The following SECISBP2 variants were observed in gnomAD, a reference collection of about 807,000 sequenced individuals.
The protein encoded by SECISBP2 is SECIS binding protein 2.
A neutral mutation model predicts 98.2 loss-of-function variants in SECISBP2; 96 were observed. The observed-to-expected ratio is 0.98, with a 90% confidence interval of 0.83 to 1.16. The LOEUF is 1.16. SECISBP2 is among the 50% of genes most tolerant of loss of function. The pLI is 0.00. For missense variants in SECISBP2, 1,046 were observed against 1,022.9 expected, an observed-to-expected ratio of 1.02 and a Z score of -0.31; for synonymous variants, 407 against 370.2, an observed-to-expected ratio of 1.10 and a Z score of -1.14.
intron 4 of SECISBP2, among the ~76,000 whole-genome samples, chr9:89,327,342 A>C (rs953556323): frequency 6.6e-6 from 1 of 152,200 alleles, no homozygotes; most frequent in African/African-American, 2.4e-5. Context: ...CTTAGGCTAC[A>C]TGAAATTTAT....
At chr9:89,366,926 G>A in the SECISBP2 span, among the ~76,000 whole-genome samples, 1 of 152,092 alleles carries the variant, frequency 6.6e-6, no homozygotes. Context: ...AAGAATCTGG[G>A]TGGCCTAAGC....
intron 4 of SECISBP2, among the ~76,000 whole-genome samples, chr9:89,327,319 TA>T (rs967047508): frequency 6.6e-6 from 1 of 152,242 alleles, no homozygotes; most frequent in Non-Finnish European, 1.5e-5. Context: ...GGAGACGTTC[TA>T]AACATTGTAC....
intron 5 of SECISBP2, among the ~76,000 whole-genome samples, chr9:89,331,414 C>T (rs1046534065): frequency 6.6e-6 from 1 of 151,946 alleles, no homozygotes; most frequent in African/African-American, 2.4e-5. Context: ...TTTTTTATTC[C>T]TGGACTCATG....
At chr9:89,334,817 G>C (rs1036404510) in intron 7 of SECISBP2, 87 bp downstream of exon 7, 7 of 999,582 alleles carry the variant, frequency 7.0e-6, no homozygotes, top group Non-Finnish European at 1.1e-5. Context: ...TTAATGGGTA[G>C]AGAGTTTCAG....
chr9:89,346,409 C>T (rs1407677536), intron 10 of SECISBP2, among the ~76,000 whole-genome samples: 1 of 152,044 alleles, frequency 6.6e-6, no homozygotes, highest in Non-Finnish European at 1.5e-5. Flanking sequence ...TTATAGTGGC[C>T]TTATAAGGTA....
At chr9:89,350,080 C>A in intron 13 of SECISBP2, 151 bp downstream of exon 13, 1 of 893,574 alleles carries the variant, frequency 1.1e-6, no homozygotes, top group South Asian at 1.5e-5. Context: ...TGGTTACACG[C>A]ATTCAGGGAG....
Position 89,359,067 on chromosome 9 carries a change from T to C in SECISBP2, c.*243T>C. On this transcript the variant is annotated 3_prime_UTR_variant, in exon 17 of 17. Coordinates refer to ENST00000375807, the MANE Select transcript of SECISBP2 (RefSeq NM_024077.5). ...AAAGCCTGGTGATACAGCTCTGGCT[T>C]TCTGAGCACACTACGGATCTGGAAA... 1 of 532,606 alleles carries C rather than the reference T, an allele frequency of 1.9e-6. No individual in the cohort carries two copies. The highest frequency in any genetic ancestry group is 3.1e-5 in the Admixed American group (1 of 31,774). The allele number at this position is 532,606 out of a possible 1,614,324, so 33.0% of individuals were successfully genotyped here. A position where few individuals can be genotyped will look rare whatever the true frequency, so the allele number is the denominator to read the frequency against.
intron 10 of SECISBP2, among the ~76,000 whole-genome samples, chr9:89,346,218 A>T (rs1409075279): frequency 6.6e-6 from 1 of 152,210 alleles, no homozygotes; most frequent in Non-Finnish European, 1.5e-5. Context: ...GAATTAACTG[A>T]TTACTTGAAA....
chr9:89,363,554 C>G (rs747942399), downstream of SECISBP2: 2 of 1,613,246 alleles, frequency 1.2e-6, no homozygotes, highest in East Asian at 4.5e-5. Flanking sequence ...GTCCCCAGGT[C>G]AAAGCTCTGT....
At chr9:89,324,222 T>C (rs1408582683) in intron 2 of SECISBP2, 1 of 152,244 alleles carries the variant, frequency 6.6e-6, no homozygotes, top group Non-Finnish European at 1.5e-5. Context: ...GCTTTGAGCC[T>C]CTTTTCTACA....
intron 10 of SECISBP2, among the ~76,000 whole-genome samples, chr9:89,345,023 G>C (rs1343698282): frequency 1.3e-5 from 2 of 152,146 alleles, no homozygotes; most frequent in Non-Finnish European, 2.9e-5. Flanking sequence ...GACTTCCTTT[G>C]GTATTAGTGA....
At chr9:89,318,639 C>T (rs1249878819) in intron 1 of SECISBP2, 27 bp downstream of exon 1, 7 of 1,397,982 alleles carry the variant, frequency 5.0e-6, no homozygotes, top group South Asian at 1.5e-5. Context: ...GCTCTCTCGG[C>T]AGCCTCAGTC....
intron 2 of SECISBP2, among the ~76,000 whole-genome samples, chr9:89,320,355 C>CA (rs776426275): frequency 0.061 from 3,115 of 51,150 alleles, 140 homozygotes; most frequent in African/African-American, 0.089. Flanking sequence ...GACTCTGTCT[C>CA]AAAAAAAAAA....
intron 5 of SECISBP2, chr9:89,329,208 G>C (rs1827315141): frequency 6.6e-6 from 2 of 302,832 alleles, no homozygotes; most frequent in Non-Finnish European, 1.3e-5. Flanking sequence ...CGCCTCCCGG[G>C]TTCAAGCAAT....
rs1052863223 is a variant in SECISBP2 at position 89,334,857 on chromosome 9, T to G, written c.1089+127T>G. 4 of 733,280 alleles carry G rather than the reference T, an allele frequency of 5.5e-6. No individual in the cohort carries two copies. In the African/African-American group the frequency reaches 7.0e-5, roughly 13 times the overall value. 45.4% of individuals were successfully genotyped at this position (733,280 alleles called of 1,614,324 possible). On this transcript the variant is annotated intron_variant, in intron 7 of 16. Coordinates refer to ENST00000375807, the MANE Select transcript of SECISBP2 (RefSeq NM_024077.5). ...GCTAGGGGAAATGAGTTTCTGAAGATGGATGGTGATGATGGTTGCACAACA... is the reference window on the plus strand; with the variant it reads ...GCTAGGGGAAATGAGTTTCTGAAGAGGGATGGTGATGATGGTTGCACAACA...
chr9:89,350,885 GC>G, intron 14 of SECISBP2, 33 bp downstream of exon 14: 1 of 1,576,410 alleles, frequency 6.3e-7, no homozygotes, highest in South Asian at 1.1e-5. Flanking sequence ...TGATATGTGG[GC>G]CCCTGCATGA....
Position 89,328,879 on chromosome 9 carries a change from T to C in SECISBP2, c.794T>C (p.Leu265Ser). 1 of 1,612,538 alleles carries C rather than the reference T, an allele frequency of 6.2e-7. No individual in the cohort carries two copies. The highest frequency in any genetic ancestry group is 8.5e-7 in the Non-Finnish European group (1 of 1,178,580). ...GAAGTAGTAAAACCAGCTGCAGTGT[T>C]ATCAAAGGTGAGGTGAGGGTTTCTC... ...LREVVKPAAV[L>S]SKGEIVVKNN... Residue 265 changes from leucine (L) to serine (S), a missense_variant, in exon 5 of 17, where the codon TTA becomes TCA. By Grantham distance (145) the Leu-to-Ser change is moderately radical. Coordinates refer to ENST00000375807, the MANE Select transcript of SECISBP2 (RefSeq NM_024077.5).
chr9:89,361,966 T>C, downstream of SECISBP2: 1 of 256,746 alleles, frequency 3.9e-6, no homozygotes, highest in East Asian at 8.1e-5. Context: ...CTGGCCATGC[T>C]AACCCTGTTG....
chr9:89,329,244 C>T (rs1054299285), intron 5 of SECISBP2: 1 of 268,894 alleles, frequency 3.7e-6, no homozygotes, highest in Non-Finnish European at 7.2e-6. Context: ...TCTCGAGTAG[C>T]TGGGACTACG....
Sources: gnomAD v4.1 joint callset for allele counts (sites outside exome capture counted in the v4.1 genomes callset) on GRCh38, gnomAD v4.1.1 for gene constraint, MANE v1.5 for transcripts, NCBI Gene and HGNC (gene_info 2026-07-23, HGNC 2026-07-21) for gene names.